ULBP1: variants seen among roughly 807,000 people sequenced by gnomAD.
The protein encoded by ULBP1 is UL16 binding protein 1.
A neutral mutation model predicts 25.3 loss-of-function variants in ULBP1; 28 were observed. The observed-to-expected ratio is 1.10, with a 90% CI of 0.82 to 1.51. The LOEUF (loss-of-function observed/expected upper bound fraction) is 1.51. ULBP1 is among the 40% of genes most tolerant of loss of function. ULBP1 has a pLI of 0.00. For synonymous variants in ULBP1, 129 were observed against 103.0 expected (o/e 1.25, Z -1.53); for missense variants, 348 against 290.9 (o/e 1.20, Z -1.43).
intron 4 of ULBP1, among the ~76,000 whole-genome samples, chr6:149,970,768 G>A (rs931573649): frequency 1.2e-4 from 19 of 152,262 alleles, no homozygotes; most frequent in South Asian, 2.1e-4. Flanking sequence ...GCCCTGGGGC[G>A]ATGCCCCTGC....
At chr6:149,969,975 G>A in intron 3 of ULBP1, 41 bp from the exon 4 acceptor site, 1 of 1,577,390 alleles carries the variant, frequency 6.3e-7, no homozygotes, top group Non-Finnish European at 8.6e-7. Flanking sequence ...CTAAGATTTT[G>A]AGCCTGGACA....
chr6:149,964,721 C>A (rs918327771), intron 1 of ULBP1, among the ~76,000 whole-genome samples: 1 of 147,406 alleles, frequency 6.8e-6, no homozygotes, highest in Non-Finnish European at 1.5e-5. Flanking sequence ...CTGCTGCTTG[C>A]CCCGCAGGCC....
intron 1 of ULBP1, among the ~76,000 whole-genome samples, chr6:149,965,166 C>A (rs533618661): frequency 4.2e-5 from 5 of 118,450 alleles, no homozygotes; most frequent in Admixed American, 1.5e-4. Context: ...CCCAGAACAT[C>A]GCGGCCTCCC....
chr6:149,970,260 A>G, intron 4 of ULBP1, 113 bp downstream of exon 4: 1 of 1,401,900 alleles, frequency 7.1e-7, no homozygotes, highest in Non-Finnish European at 9.6e-7. Context: ...CTGACATTAG[A>G]CAGATGAATG....
Position 149,963,950 on chromosome 6 carries a change from T to A in ULBP1, c.-100T>A. 8.2e-7 allele frequency: 1 copy of A among 1,225,474 alleles called. No individual in the cohort carries two copies. Among genetic ancestry groups the A allele is most frequent in the South Asian group, 1.3e-5 (1 of 74,202 alleles). The allele number at this position is 1,225,474 out of a possible 1,614,324, so 75.9% of individuals were successfully genotyped here. A position where few individuals can be genotyped will look rare whatever the true frequency, so the allele number is the denominator to read the frequency against. ...CCTAGGATCCCGCCCAGTGTATCCC[T>A]GCGCGCGGCGGGCCGGGCTGGGCAG... On this transcript the variant is annotated 5_prime_UTR_variant, in exon 1 of 5. Transcript: ENST00000229708.
In ULBP1 at chr6:149,970,383, C is replaced by T. The variant is rs567262516; in HGVS notation, c.*22+236C>T. Among the ~76,000 whole-genome samples, 24 of 152,294 alleles carry T rather than the reference C, an allele frequency of 1.6e-4. No homozygotes were observed. In the South Asian group the frequency reaches 2.1e-3, roughly 13 times the overall value. ...GAGGGACCCATACCAAGGCTCAAGG[C>T]CTGTTGAGCTTGAGAGGGTTTAACC... On this transcript the variant is annotated intron_variant, in intron 4 of 4. Coordinates refer to ENST00000229708, the MANE Select transcript of ULBP1 (RefSeq NM_025218.4).
In ULBP1 at chr6:149,972,802, G is replaced by T. The variant is rs866825392; in HGVS notation, c.*1456G>T. 1.2e-4 allele frequency: 19 copies of T among 152,176 alleles called. No individual in the cohort carries two copies. The highest frequency in any genetic ancestry group is 3.9e-4 in the African/African-American group (16 of 41,426). The allele number at this position is 152,176 out of a possible 1,614,324, so 9.4% of individuals were successfully genotyped here. On this transcript the variant is annotated 3_prime_UTR_variant, in exon 5 of 5. Coordinates refer to ENST00000229708, the MANE Select transcript of ULBP1 (RefSeq NM_025218.4). ...TAAGTGCAAATCAAAACTGCAATGA[G>T]TTACCATCTCTTACCAGTCACAAAG...
At chr6:149,971,052 G>C (rs1248620884) in intron 4 of ULBP1, among the ~76,000 whole-genome samples, 2 of 152,246 alleles carry the variant, frequency 1.3e-5, no homozygotes, top group Non-Finnish European at 2.9e-5. Context: ...GCTCTCTTTG[G>C]ACAGGGTTCC....
At position 149,964,102 on chromosome 6, in the gene ULBP1, TGCTGTCTG is replaced by T; in HGVS notation, c.58_65del (p.Ser20ValfsTer14). The T allele has an allele frequency of 6.2e-7, 1 of 1,614,190 alleles. No individual in the cohort carries two copies. Among genetic ancestry groups the T allele is most frequent in the Admixed American group, 1.7e-5 (1 of 60,028 alleles). On this transcript the variant is annotated frameshift_variant, in exon 1 of 5. Transcript: ENST00000229708. LOFTEE classifies it high-confidence loss of function. ...CTTCTGTGCCTCCCGCTTCTGCACC[TGCTGTCTG>T]GCTGGTCCCGGGCAGGATGGGTCGG...
At chr6:149,967,479 G>A (rs1283097387) in intron 1 of ULBP1, among the ~76,000 whole-genome samples, 1 of 152,196 alleles carries the variant, frequency 6.6e-6, no homozygotes, top group Non-Finnish European at 1.5e-5. Flanking sequence ...TCTCAAAGCT[G>A]GGCAAAGGAG....
At chr6:149,968,482 G>C in intron 1 of ULBP1, 125 bp from the exon 2 acceptor site, 1 of 1,287,366 alleles carries the variant, frequency 7.8e-7, no homozygotes, top group Non-Finnish European at 1.1e-6. Context: ...TCCTGGCTGG[G>C]GCATGTCTTG....
At position 149,968,643 on chromosome 6, in the gene ULBP1, C is replaced by T. The variant is rs1472640668; in HGVS notation, c.122C>T (p.Pro41Leu). 40 of 1,612,828 alleles carry T rather than the reference C, an allele frequency of 2.5e-5. No homozygotes were observed. Among genetic ancestry groups the T allele is most frequent in the Non-Finnish European group, 3.1e-5 (37 of 1,179,078 alleles). ...HCLCYDFIIT[P>L]KSRPEPQWCE... is the part of the protein sequence containing the mutation. ...CTTTGCTATGACTTCATCATCACTC[C>T]TAAGTCCAGACCTGAACCACAGTGG... The change falls in exon 2 of 5, where the codon CCT becomes CTT. Residue 41 changes from proline (P) to leucine (L), a missense_variant. Coordinates refer to ENST00000229708, the MANE Select transcript of ULBP1 (RefSeq NM_025218.4).
At position 149,972,337 on chromosome 6, in the gene ULBP1, C is replaced by T. The variant is rs1399390021; in HGVS notation, c.*991C>T. 6.6e-6 allele frequency: 1 copy of T among 152,000 alleles called. No homozygotes were observed. The highest frequency in any genetic ancestry group is 1.5e-5 in the Non-Finnish European group (1 of 68,004). The allele number at this position is 152,000 out of a possible 1,614,324, so 9.4% of individuals were successfully genotyped here. A position where few individuals can be genotyped will look rare whatever the true frequency, so the allele number is the denominator to read the frequency against. On this transcript the variant is annotated 3_prime_UTR_variant, in exon 5 of 5. Coordinates refer to ENST00000229708, the MANE Select transcript of ULBP1 (RefSeq NM_025218.4). ...GAATGAAACTGAACCCCTACTTCTC[C>T]CCATATATGTAAAATAATTCAATAT...
intron 3 of ULBP1, 99 bp from the exon 4 acceptor site, chr6:149,969,917 T>A: frequency 6.8e-7 from 1 of 1,472,456 alleles, no homozygotes; most frequent in Non-Finnish European, 9.1e-7. Context: ...GGACAAAAGG[T>A]CTGCCTTCCA....
rs146538603 is a variant in ULBP1, at chr6:149,964,100, C to T, written c.51C>T (p.His17=). 62 of 1,614,250 alleles carry T rather than the reference C, an allele frequency of 3.8e-5. No homozygotes were observed. Among genetic ancestry groups the T allele is most frequent in the Non-Finnish European group, 4.1e-5 (48 of 1,180,048 alleles). ...TCCTTCTGTGCCTCCCGCTTCTGCA[C>T]CTGCTGTCTGGCTGGTCCCGGGCAG... ...PAFLLCLPLL[H]LLSGWSRAGW... The change falls in exon 1 of 5, where the codon CAC becomes CAT. Residue 17 remains histidine, a synonymous_variant. Transcript: ENST00000229708.
chr6:149,969,475 T>TG, intron 3 of ULBP1, 115 bp downstream of exon 3: 2 of 1,425,278 alleles, frequency 1.4e-6, no homozygotes, highest in South Asian at 1.3e-5. Flanking sequence ...GACCCCCTCA[T>TG]GGGGGGCTCC....
At position 149,969,213 on chromosome 6, in the gene ULBP1, G is replaced by A. The variant is rs769275822; in HGVS notation, c.478G>A (p.Ala160Thr). ...LFDSNNRKWT[A>T]LHPGAKKMTE... ...TGACTCAAACAACAGAAAGTGGACA[G>A]CACTTCATCCTGGAGCCAAGAAGAT... The change falls in exon 3 of 5, where the codon GCA (alanine) becomes ACA (threonine). Residue 160 changes from alanine (A) to threonine (T), a missense_variant. By Grantham distance (58) the Ala-to-Thr change is moderately conservative (BLOSUM62 0). Coordinates refer to ENST00000229708, the MANE Select transcript of ULBP1 (RefSeq NM_025218.4). 6.2e-7 allele frequency: 1 copy of A among 1,614,266 alleles called. No homozygotes were observed.
At chr6:149,966,071 C>T (rs1439142797) in intron 1 of ULBP1, among the ~76,000 whole-genome samples, 3 of 152,166 alleles carry the variant, frequency 2.0e-5, no homozygotes, top group Non-Finnish European at 2.9e-5. Flanking sequence ...CCTGTTCTTC[C>T]GACTGGGGAG....
intron 1 of ULBP1, among the ~76,000 whole-genome samples, chr6:149,965,577 G>A (rs538525718): frequency 6.6e-6 from 1 of 152,260 alleles, no homozygotes; most frequent in East Asian, 1.9e-4. Flanking sequence ...CAGGACAGGG[G>A]TAAAGGGGAG....
Sources: gnomAD v4.1 joint callset for allele counts (sites outside exome capture counted in the v4.1 genomes callset) on GRCh38, gnomAD v4.1.1 for gene constraint, MANE v1.5 for transcripts, NCBI Gene and HGNC (gene_info 2026-07-23, HGNC 2026-07-21) for gene names.